GLB1L3: variants seen among roughly 807,000 people sequenced by gnomAD.
The protein encoded by GLB1L3 is beta-galactosidase-1-like protein 3.
Under a neutral mutation model 89.5 loss-of-function variants are expected in GLB1L3, and 89 were observed. The ratio of observed to expected loss-of-function variants is 0.99; its 90% CI spans 0.84 to 1.19. The LOEUF (loss-of-function observed/expected upper bound fraction) is 1.19, where lower values mean the gene tolerates loss of function less well. GLB1L3 is among the 50% of genes most tolerant of loss of function. The pLI is 0.00. For synonymous variants in GLB1L3, 314 were observed against 312.3 expected (o/e 1.01, Z -0.06); for missense variants, 812 against 813.3 (o/e 1.00, Z 0.02).
intron 5 of GLB1L3, 57 bp from the exon 6 acceptor site, chr11:134,283,680 T>C: frequency 5.0e-6 from 5 of 1,006,896 alleles, no homozygotes; most frequent in Non-Finnish European, 7.6e-6. Flanking sequence ...CTGAGCCCAC[T>C]CCTGCTTCCC....
At chr11:134,281,290 G>T in intron 3 of GLB1L3, 87 bp from the exon 4 acceptor site, 1 of 1,463,530 alleles carries the variant, frequency 6.8e-7, no homozygotes, top group African/African-American at 1.4e-5. Flanking sequence ...AGCTATGCAT[G>T]GTTTTGGCTT....
chr11:134,279,958 T>C (rs1363449320), intron 3 of GLB1L3, among the ~76,000 whole-genome samples: 1 of 152,060 alleles, frequency 6.6e-6, no homozygotes, highest in Non-Finnish European at 1.5e-5. Flanking sequence ...TCCTTCTTCT[T>C]TTTCCCTGAG....
chr11:134,299,395 A>G (rs1245731873), intron 9 of GLB1L3, among the ~76,000 whole-genome samples: 2 of 152,078 alleles, frequency 1.3e-5, no homozygotes, highest in Non-Finnish European at 1.5e-5. Flanking sequence ...CGCATCATGC[A>G]TAGGACATAG....
intron 8 of GLB1L3, 92 bp downstream of exon 8, chr11:134,292,305 C>T (rs1591550707): frequency 6.2e-6 from 5 of 811,282 alleles, no homozygotes; most frequent in South Asian, 1.6e-5. Flanking sequence ...AAGTGCATCT[C>T]GATACCTCCC....
chr11:134,277,969 G>T, intron 3 of GLB1L3, 57 bp downstream of exon 3: 1 of 1,563,024 alleles, frequency 6.4e-7, no homozygotes, highest in Non-Finnish European at 8.7e-7. Context: ...CATCCTGGCC[G>T]GGAACCTGAG....
intron 9 of GLB1L3, among the ~76,000 whole-genome samples, chr11:134,303,641 A>G (rs1169373128): frequency 1.3e-5 from 2 of 152,222 alleles, no homozygotes; most frequent in East Asian, 1.9e-4. Flanking sequence ...CATCAGATGC[A>G]TCTTCTGGAT....
At position 134,311,489 on chromosome 11, in the gene GLB1L3, C is replaced by T. The variant is rs149579091; in HGVS notation, c.1287+319C>T. On this transcript the variant is annotated intron_variant, in intron 13 of 19. Transcript: ENST00000431683. ...GTAGGAAAAGCTGCTGAGCTGGAATCGGGAGACTAGCTTCTGCCCGTGCTT... is the reference window on the plus strand; with the variant it reads ...GTAGGAAAAGCTGCTGAGCTGGAATTGGGAGACTAGCTTCTGCCCGTGCTT... The T allele has an allele frequency of 7.9e-4, 169 of 213,180 alleles. 2 individuals carry two copies. In the East Asian group the frequency reaches 0.014, roughly 18 times the overall value. 13.2% of individuals were successfully genotyped at this position (213,180 alleles called of 1,614,324 possible).
intron 9 of GLB1L3, among the ~76,000 whole-genome samples, chr11:134,293,795 C>T (rs1941487282): frequency 6.6e-6 from 1 of 152,122 alleles, no homozygotes; most frequent in African/African-American, 2.4e-5. Context: ...TGCTTCAAGA[C>T]CAGGCCTGGT....
chr11:134,287,022 G>C (rs913657130), intron 6 of GLB1L3: 1 of 151,454 alleles, frequency 6.6e-6, no homozygotes. Flanking sequence ...TGAGCCGGGC[G>C]TGGTGGCGGG....
chr11:134,282,538 G>A (rs1940760345), intron 5 of GLB1L3, among the ~76,000 whole-genome samples: 1 of 152,190 alleles, frequency 6.6e-6, no homozygotes, highest in Admixed American at 6.5e-5. Context: ...TGACGACTCG[G>A]CTTGTTTTGA....
chr11:134,320,642 A>G (rs1343819710), downstream of GLB1L3, among the ~76,000 whole-genome samples: 1 of 152,158 alleles, frequency 6.6e-6, no homozygotes, highest in Non-Finnish European at 1.5e-5. Context: ...GAATGCAAAA[A>G]TGCTATTCAG....
chr11:134,303,300 C>T (rs1942036064), intron 9 of GLB1L3, among the ~76,000 whole-genome samples: 1 of 152,156 alleles, frequency 6.6e-6, no homozygotes, highest in Admixed American at 6.5e-5. Context: ...TAGTCTGACA[C>T]AATTAAACTT....
At chr11:134,291,145 A>T (rs548171834) in intron 7 of GLB1L3, among the ~76,000 whole-genome samples, 1 of 152,110 alleles carries the variant, frequency 6.6e-6, no homozygotes, top group Non-Finnish European at 1.5e-5. Flanking sequence ...TTCCTCATAT[A>T]GTCGGCCCTC....
chr11:134,293,783 C>T (rs1217408496), intron 9 of GLB1L3, among the ~76,000 whole-genome samples: 2 of 152,052 alleles, frequency 1.3e-5, no homozygotes, highest in South Asian at 4.1e-4. Context: ...AGCTAGAGTG[C>T]GTGCTTCAAG....
intron 12 of GLB1L3, 45 bp downstream of exon 12, chr11:134,310,696 G>A (rs759703012): frequency 1.4e-6 from 2 of 1,435,778 alleles, no homozygotes; most frequent in Admixed American, 1.7e-5. Flanking sequence ...TCCTCATGTG[G>A]AGTCTCTGTT....
In GLB1L3 at chr11:134,314,155, C is replaced by T. The variant is rs768020211; in HGVS notation, c.1667+127C>T. On this transcript the variant is annotated intron_variant, in intron 17 of 19. Transcript: ENST00000431683. ...ATGTACTCCAGGCTGTTGGGTACTT[C>T]GGCGTCAGAACTAGGGCCCTGGAAC... The T allele has an allele frequency of 2.1e-4, 161 of 772,102 alleles. 1 individual carries two copies. The highest frequency in any genetic ancestry group is 2.6e-4 in the Non-Finnish European group (116 of 452,462). The allele number at this position is 772,102 out of a possible 1,614,324, so 47.8% of individuals were successfully genotyped here. A position where few individuals can be genotyped will look rare whatever the true frequency, so the allele number is the denominator to read the frequency against.
At chr11:134,290,568 T>TCC (rs71479600) in intron 7 of GLB1L3, among the ~76,000 whole-genome samples, 12 of 53,172 alleles carry the variant, frequency 2.3e-4, no homozygotes, top group African/African-American at 5.0e-4. Flanking sequence ...GTGAGACTCG[T>TCC]CCCCCCCCGC....
chr11:134,312,669 T>C, intron 14 of GLB1L3, 147 bp from the exon 15 acceptor site: 1 of 968,006 alleles, frequency 1.0e-6, no homozygotes, highest in Non-Finnish European at 1.6e-6. Context: ...TGAGAGTCTC[T>C]TGGGGCCTCC....
chr11:134,305,885 G>A (rs1942185290), intron 9 of GLB1L3, among the ~76,000 whole-genome samples: 1 of 151,896 alleles, frequency 6.6e-6, no homozygotes, highest in African/African-American at 2.4e-5. Context: ...GAAGTTGGAA[G>A]GTAAAGATGA....
Sources: gnomAD v4.1 joint callset for allele counts (sites outside exome capture counted in the v4.1 genomes callset) on GRCh38, gnomAD v4.1.1 for gene constraint, MANE v1.5 for transcripts, NCBI Gene and HGNC (gene_info 2026-07-23, HGNC 2026-07-21) for gene names.